ZFAND5: variants seen among roughly 807,000 people sequenced by gnomAD.
ZFAND5 encodes the protein zinc finger AN1-type containing 5, also known as AN1-type zinc finger protein 5.
In ZFAND5, 4 loss-of-function variants were observed where a neutral mutation model predicts 23.6. The observed-to-expected ratio is 0.17, with a 90% confidence interval of 0.08 to 0.39. ZFAND5 has a LOEUF of 0.39. ZFAND5 is among the 10% of genes least tolerant of loss of function. ZFAND5 has a pLI of 1.00. For missense variants in ZFAND5, 161 were observed against 253.7 expected, an observed-to-expected ratio of 0.63 and a Z score of 2.48; for synonymous variants, 68 against 80.6, an observed-to-expected ratio of 0.84 and a Z score of 0.84.
Position 72,352,949 on chromosome 9 carries a change from T to G in ZFAND5, c.*3004A>C, listed in dbSNP as rs1006256866. ...CCTCATCTTAATCACTATGCCATAATGCTCAGAAACAGCTTTCCCTCACAA... is the reference window on the plus strand; with the variant it reads ...CCTCATCTTAATCACTATGCCATAAGGCTCAGAAACAGCTTTCCCTCACAA... On this transcript the variant is annotated 3_prime_UTR_variant, in exon 7 of 7. Coordinates refer to ENST00000376962, the MANE Select transcript of ZFAND5 (RefSeq NM_001102420.3). 6.6e-6 allele frequency: 1 copy of G among 152,220 alleles called. No individual in the cohort carries two copies. Among genetic ancestry groups the G allele is most frequent in the Non-Finnish European group, 1.5e-5 (1 of 68,050 alleles). The allele number at this position is 152,220 out of a possible 1,614,324, so 9.4% of individuals were successfully genotyped here. A position where few individuals can be genotyped will look rare whatever the true frequency, so the allele number is the denominator to read the frequency against.
Position 72,355,935 on chromosome 9 carries a change from C to A in ZFAND5, c.*18G>T, listed in dbSNP as rs1329021190. 6.3e-7 allele frequency: 1 copy of A among 1,581,020 alleles called. No homozygotes were observed. The highest frequency in any genetic ancestry group is 8.6e-7 in the Non-Finnish European group (1 of 1,166,224). On this transcript the variant is annotated 3_prime_UTR_variant, in exon 7 of 7. Coordinates refer to ENST00000376962, the MANE Select transcript of ZFAND5 (RefSeq NM_001102420.3). ...ATTAAAATAAAAACAAAGTTTCAGTCTCTTCACAAGAAGTAATTTATATTC... is the reference window on the plus strand; with the variant it reads ...ATTAAAATAAAAACAAAGTTTCAGTATCTTCACAAGAAGTAATTTATATTC...
At position 72,355,821 on chromosome 9, in the gene ZFAND5, TTA is replaced by T. The variant is rs1841927065; in HGVS notation, c.*130_*131del. Reference sequence around the variant, plus strand: ...ACACCCAAACATCCTAAAATATCAATTATAAGACAGACAAGTGTAATGTAAAA... The same window carrying T: ...ACACCCAAACATCCTAAAATATCAATTAAGACAGACAAGTGTAATGTAAAA... On this transcript the variant is annotated 3_prime_UTR_variant, in exon 7 of 7. Transcript: ENST00000376962. 3.5e-6 allele frequency: 3 copies of T among 852,474 alleles called. No homozygotes were observed. In the African/African-American group the frequency reaches 5.2e-5, roughly 15 times the overall value. 52.8% of individuals were successfully genotyped at this position (852,474 alleles called of 1,614,324 possible). A position where few individuals can be genotyped will look rare whatever the true frequency, so the allele number is the denominator to read the frequency against.
Position 72,355,942 on chromosome 9 carries a change from C to A in ZFAND5, c.*11G>T. On this transcript the variant is annotated 3_prime_UTR_variant, in exon 7 of 7. Transcript: ENST00000376962. ...TAAAAACAAAGTTTCAGTCTCTTCA[C>A]AAGAAGTAATTTATATTCTCTGAAT... 1 of 1,596,090 alleles carries A rather than the reference C, an allele frequency of 6.3e-7. No homozygotes were observed.
At chr9:72,360,361 C>A (rs1380481688) in intron 3 of ZFAND5, 140 bp from the exon 4 acceptor site, 2 of 863,704 alleles carry the variant, frequency 2.3e-6, no homozygotes, top group Non-Finnish European at 3.6e-6. Context: ...ACTTGAGTAT[C>A]CAAACAAAAA....
rs1587865165 is a variant in ZFAND5, at chr9:72,353,893, A to T, written c.*2060T>A. ...ATGTACCTCCCTAACTTGAAGCAAA[A>T]GTAGCAGCATGCAAAGAACTGACAG... On this transcript the variant is annotated 3_prime_UTR_variant, in exon 7 of 7. Transcript: ENST00000376962. The T allele has an allele frequency of 6.6e-6, 1 of 152,214 alleles. No homozygotes were observed. The highest frequency in any genetic ancestry group is 2.4e-5 in the African/African-American group (1 of 41,444). The allele number at this position is 152,214 out of a possible 1,614,324, so 9.4% of individuals were successfully genotyped here. A position where few individuals can be genotyped will look rare whatever the true frequency, so the allele number is the denominator to read the frequency against.
chr9:72,362,568 T>G (rs1362462123), intron 2 of ZFAND5, among the ~76,000 whole-genome samples: 5 of 152,204 alleles, frequency 3.3e-5, no homozygotes. Context: ...TGGAGGATAC[T>G]CCATCTAAAG....
At chr9:72,360,429 A>C in intron 3 of ZFAND5, 199 bp downstream of exon 3, 1 of 862,866 alleles carries the variant, frequency 1.2e-6, no homozygotes, top group Non-Finnish European at 1.8e-6. Context: ...CCAAAAAAGA[A>C]AACTGAAAAG....
At chr9:72,364,536 G>C (rs1842206693) in intron 1 of ZFAND5, 160 bp downstream of exon 1, 1 of 1,278,734 alleles carries the variant, frequency 7.8e-7, no homozygotes. Flanking sequence ...CTCCGTCTTT[G>C]TGCTTCCTGG....
In ZFAND5 at chr9:72,363,494, G is replaced by A. The variant is rs1842162095; in HGVS notation, c.-34C>T. 8.8e-6 allele frequency: 3 copies of A among 340,822 alleles called. No individual in the cohort carries two copies. The highest frequency in any genetic ancestry group is 1.2e-5 in the Non-Finnish European group (3 of 240,616). The allele number at this position is 340,822 out of a possible 1,614,324, so 21.1% of individuals were successfully genotyped here. A position where few individuals can be genotyped will look rare whatever the true frequency, so the allele number is the denominator to read the frequency against. On this transcript the variant is annotated 5_prime_UTR_variant, in exon 2 of 7. Coordinates refer to ENST00000376962, the MANE Select transcript of ZFAND5 (RefSeq NM_001102420.3). ...CCTGGGAATGGAGACCTGAGTTCAAGTCTCTAGTCTGCCACTAAGTCAGTG... is the reference window on the plus strand; with the variant it reads ...CCTGGGAATGGAGACCTGAGTTCAAATCTCTAGTCTGCCACTAAGTCAGTG...
chr9:72,364,552 C>A (rs1403480510), intron 1 of ZFAND5, 144 bp downstream of exon 1: 1 of 1,272,000 alleles, frequency 7.9e-7, no homozygotes, highest in Non-Finnish European at 1.0e-6. Context: ...CCTGGGCTGG[C>A]GGGCGGGCTC....
intron 3 of ZFAND5, 28 bp downstream of exon 3, chr9:72,360,600 A>C (rs771138244): frequency 1.2e-6 from 2 of 1,612,360 alleles, no homozygotes; most frequent in Non-Finnish European, 1.7e-6. Flanking sequence ...AGTTCTTTCA[A>C]ATGTGTTTTT....
chr9:72,360,397 A>C (rs947376073), intron 3 of ZFAND5, 176 bp from the exon 4 acceptor site: 3 of 819,130 alleles, frequency 3.7e-6, no homozygotes, highest in African/African-American at 3.5e-5. Flanking sequence ...TCCAATGAAC[A>C]CAAGTGTGAA....
chr9:72,364,623 CCGGTCCCTTCACT>C, intron 1 of ZFAND5, 60 bp downstream of exon 1: 1 of 1,192,450 alleles, frequency 8.4e-7, no homozygotes, highest in Non-Finnish European at 1.1e-6. Context: ...CCGCGGCGCC[CCGGTCCCTTCACT>C]CCCGCCCCCG....
intron 6 of ZFAND5, 97 bp from the exon 7 acceptor site, chr9:72,356,198 C>T: frequency 7.0e-7 from 1 of 1,437,236 alleles, no homozygotes; most frequent in Middle Eastern, 1.8e-4. Context: ...ATTTTCATTG[C>T]TTTGTAACAT....
chr9:72,356,239 C>T lies in ZFAND5; in HGVS notation c.494-138G>A, dbSNP rs1313473424. The T allele has an allele frequency of 2.0e-5, 21 of 1,076,690 alleles. No individual in the cohort carries two copies. The South Asian group carries it at 3.6e-4, about 19-fold the overall frequency. 66.7% of individuals were successfully genotyped at this position (1,076,690 alleles called of 1,614,324 possible). ...ACAGTGAACTCTTTTCTTCCACTTCCTGGTGATAAGACACAGTCAACTCTT... is the reference window on the plus strand; with the variant it reads ...ACAGTGAACTCTTTTCTTCCACTTCTTGGTGATAAGACACAGTCAACTCTT... On this transcript the variant is annotated intron_variant, in intron 6 of 6. Coordinates refer to ENST00000376962, the MANE Select transcript of ZFAND5 (RefSeq NM_001102420.3).
At chr9:72,362,993 CA>C (rs1179272202) in intron 2 of ZFAND5, among the ~76,000 whole-genome samples, 4 of 151,536 alleles carry the variant, frequency 2.6e-5, no homozygotes, top group Non-Finnish European at 3.0e-5. Flanking sequence ...CATAAGAAAA[CA>C]AAAAAAGGGC....
rs1010363836 is a variant in ZFAND5 at position 72,365,131 on chromosome 9, C to T, written c.-582G>A. ...CGCTCTTCGCCGCTCCTGCCACCGC[C>T]GGGGAAGCTGCGCGGCTCCCGGGAG... On this transcript the variant is annotated 5_prime_UTR_variant, in exon 1 of 7. Transcript: ENST00000376962. The T allele has an allele frequency of 3.9e-5, 6 of 152,352 alleles. No homozygotes were observed. In the East Asian group the frequency reaches 1.2e-3, roughly 30 times the overall value. 9.4% of individuals were successfully genotyped at this position (152,352 alleles called of 1,614,324 possible).
intron 3 of ZFAND5, 32 bp from the exon 4 acceptor site, chr9:72,360,253 T>C (rs746517752): frequency 1.4e-5 from 22 of 1,565,436 alleles, no homozygotes; most frequent in Non-Finnish European, 1.8e-5. Flanking sequence ...AAGGAACCAA[T>C]GAACACTACA....
In ZFAND5 at chr9:72,359,004, C is replaced by T. The variant is rs7025906; in HGVS notation, c.367+414G>A. Among the ~76,000 whole-genome samples the T allele has an allele frequency of 5.7e-3, 871 of 152,146 alleles. 8 individuals carry two copies. Among genetic ancestry groups the T allele is most frequent in the African/African-American group, 0.02 (811 of 41,504 alleles). ...CACAAAATATGATAGGAATATTGTA[C>T]TTCAAATAAGTTCTAGTGTTCAAAT... On this transcript the variant is annotated intron_variant, in intron 5 of 6. Transcript: ENST00000376962.
Sources: gnomAD v4.1 joint callset for allele counts (sites outside exome capture counted in the v4.1 genomes callset) on GRCh38, gnomAD v4.1.1 for gene constraint, MANE v1.5 for transcripts, NCBI Gene and HGNC (gene_info 2026-07-23, HGNC 2026-07-21) for gene names.